The following PSD3 variants were observed in gnomAD, a reference collection of about 807,000 sequenced individuals.
PSD3 encodes the protein pleckstrin and Sec7 domain containing 3.
In PSD3, 49 loss-of-function variants were observed where a neutral mutation model predicts 105.5. The ratio of observed to expected loss-of-function variants is 0.46; its 90% confidence interval spans 0.37 to 0.59. The LOEUF is 0.59. Ranked by LOEUF, PSD3 falls within the 20% of genes least tolerant of loss-of-function variation. The probability of loss-of-function intolerance (pLI) is 0.00; values close to 1 mark genes in which losing one functional copy is unlikely to be tolerated. For missense variants in PSD3, 1,561 were observed against 1,263.8 expected (o/e 1.24, Z -3.57); for synonymous variants, 557 against 457.8 (o/e 1.22, Z -2.77).
chr8:19,051,322 A>G (rs1361480822), intron 1 of PSD3, among the ~76,000 whole-genome samples: 1 of 152,046 alleles, frequency 6.6e-6, no homozygotes, highest in Non-Finnish European at 1.5e-5. Context: ...GCTTTCTGGG[A>G]TCAGACTACA....
At chr8:18,656,729 C>G (rs6992300) in intron 9 of PSD3, among the ~76,000 whole-genome samples, 60,877 of 151,772 alleles carry the variant, frequency 0.4, 12,736 homozygotes, top group African/African-American at 0.51. Flanking sequence ...TTTTTTAAGA[C>G]ACAGGGTCTT....
chr8:18,600,024 C>G (rs1804321598), intron 12 of PSD3, among the ~76,000 whole-genome samples: 1 of 152,182 alleles, frequency 6.6e-6, no homozygotes, highest in African/African-American at 2.4e-5. Flanking sequence ...TGAACACAAA[C>G]ACTGCGATAG....
intron 1 of PSD3, among the ~76,000 whole-genome samples, chr8:18,980,605 T>A (rs1445393057): frequency 6.6e-6 from 1 of 152,192 alleles, no homozygotes; most frequent in Non-Finnish European, 1.5e-5. Flanking sequence ...ATCTATTTTA[T>A]CCTTCTCTCC....
chr8:19,005,481 GT>G lies in PSD3; in HGVS notation c.21+8081del, dbSNP rs551463988. ...AACTCATGGGTCTGGAATTTTTGGG[GT>G]TTTTTTGTTTTCTTTTGAGACAGGG... On this transcript the variant is annotated intron_variant, in intron 1 of 15. Transcript: ENST00000327040. Among the ~76,000 whole-genome samples the G allele has an allele frequency of 4.1e-3, 617 of 151,894 alleles. 6 individuals carry two copies. The highest frequency in any genetic ancestry group is 0.014 in the African/African-American group (568 of 41,474).
chr8:19,051,772 C>T (rs140366941), intron 1 of PSD3, among the ~76,000 whole-genome samples: 31 of 152,270 alleles, frequency 2.0e-4, no homozygotes, highest in African/African-American at 7.5e-4. Flanking sequence ...TCATTGTATC[C>T]ACCGTACCTA....
At chr8:18,614,536 G>C (rs868450839) in intron 11 of PSD3, among the ~76,000 whole-genome samples, 19 of 152,172 alleles carry the variant, frequency 1.2e-4, no homozygotes, top group South Asian at 4.2e-4. Flanking sequence ...TAAGGTATCA[G>C]TAAACACCCA....
intron 11 of PSD3, among the ~76,000 whole-genome samples, chr8:18,626,781 T>C (rs1806512748): frequency 6.6e-6 from 1 of 152,098 alleles, no homozygotes; most frequent in Admixed American, 6.6e-5. Context: ...CAACCAGACA[T>C]GATTGAAAAT....
intron 10 of PSD3, among the ~76,000 whole-genome samples, chr8:18,638,158 A>G (rs1393789406): frequency 6.6e-6 from 1 of 151,176 alleles, no homozygotes; most frequent in Admixed American, 6.6e-5. Context: ...CCATCTCAAA[A>G]AAAAAAAAAA....
chr8:18,844,407 T>C (rs1029188341), intron 4 of PSD3, among the ~76,000 whole-genome samples: 5 of 152,106 alleles, frequency 3.3e-5, no homozygotes, highest in African/African-American at 1.2e-4. Flanking sequence ...TAATGAGTCC[T>C]AGGAGATCTA....
chr8:18,883,562 T>G (rs1484840175), intron 2 of PSD3, among the ~76,000 whole-genome samples: 1 of 152,194 alleles, frequency 6.6e-6, no homozygotes, highest in East Asian at 1.9e-4. Context: ...TGACCATTAG[T>G]CAAAACCTGT....
chr8:18,884,177 A>T lies in PSD3; in HGVS notation c.131-11444T>A, dbSNP rs909676420. On this transcript the variant is annotated intron_variant, in intron 2 of 15. Coordinates refer to ENST00000327040, the MANE Select transcript of PSD3 (RefSeq NM_015310.4). The stretch of plus-strand genomic sequence containing the variant: ...AAGATAAATGCTTAATTTACAAAAC[A>T]AATATAAAGAGCAAGCCTTGCAGAG... 3.3e-5 allele frequency among the ~76,000 whole-genome samples: 5 copies of T among 151,736 alleles called. No individual in the cohort carries two copies. The Admixed American group carries it at 3.3e-4, about 10-fold the overall frequency.
At chr8:19,045,271 TG>T (rs1244987343) in intron 1 of PSD3, among the ~76,000 whole-genome samples, 10 of 152,242 alleles carry the variant, frequency 6.6e-5, no homozygotes, top group African/African-American at 2.2e-4. Context: ...TTTGAATGTT[TG>T]GACTTTATTT....
At chr8:19,079,765 T>G (rs950809770) in intron 1 of PSD3, among the ~76,000 whole-genome samples, 1 of 152,236 alleles carries the variant, frequency 6.6e-6, no homozygotes, top group Admixed American at 6.5e-5. Flanking sequence ...CTGAATGTCT[T>G]GCTCCTCATG....
chr8:18,643,768 G>A (rs1337130237), intron 10 of PSD3, among the ~76,000 whole-genome samples: 1 of 152,236 alleles, frequency 6.6e-6, no homozygotes, highest in African/African-American at 2.4e-5. Context: ...ACTGGGCTTA[G>A]ACGACCCAGC....
intron 1 of PSD3, among the ~76,000 whole-genome samples, chr8:18,996,987 G>A (rs867627429): frequency 1.3e-5 from 2 of 151,780 alleles, no homozygotes; most frequent in African/African-American, 2.4e-5. Context: ...GCAAGACCTC[G>A]CACTCTCGAT....
chr8:18,952,968 C>T (rs2129470179), intron 1 of PSD3, among the ~76,000 whole-genome samples: 1 of 152,244 alleles, frequency 6.6e-6, no homozygotes, highest in East Asian at 1.9e-4. Flanking sequence ...CATGTATCAA[C>T]TGTGAGTAAA....
At chr8:19,053,818 A>C (rs1053699746) in intron 1 of PSD3, among the ~76,000 whole-genome samples, 2 of 152,222 alleles carry the variant, frequency 1.3e-5, no homozygotes, top group Non-Finnish European at 2.9e-5. Flanking sequence ...TCACTGCAGT[A>C]TTCTGTATAC....
chr8:18,753,270 C>T (rs747040456), intron 9 of PSD3, among the ~76,000 whole-genome samples: 4 of 151,824 alleles, frequency 2.6e-5, no homozygotes, highest in Non-Finnish European at 5.9e-5. Flanking sequence ...AGGAGAATCA[C>T]TCGAACCCAG....
At chr8:18,671,317 T>C (rs1279275137) in intron 9 of PSD3, among the ~76,000 whole-genome samples, 1 of 152,152 alleles carries the variant, frequency 6.6e-6, no homozygotes, top group African/African-American at 2.4e-5. Flanking sequence ...AATTTGAACT[T>C]CAGATAAATA....
Sources: allele counts gnomAD v4.1 joint callset (sites outside exome capture counted in the v4.1 genomes callset), GRCh38; gene constraint gnomAD v4.1.1; transcripts MANE v1.5; gene names NCBI Gene and HGNC (gene_info 2026-07-23, HGNC 2026-07-21).